Variants in GABRG3 observed in about 807,000 individuals in gnomAD.
The protein encoded by GABRG3 is gamma-aminobutyric acid receptor subunit gamma-3.
Under a neutral mutation model 48.8 loss-of-function variants are expected in GABRG3, and 25 were observed. That is an observed-to-expected ratio of 0.51 (90% CI 0.37 to 0.72). GABRG3 has a LOEUF of 0.72. Among genes scored for constraint, GABRG3 ranks in the 30% least tolerant of loss-of-function variants. The pLI is 0.00. For synonymous variants in GABRG3, 227 were observed against 217.6 expected (o/e 1.04, Z -0.38); for missense variants, 394 against 577.9 (o/e 0.68, Z 3.26).
At chr15:27,268,173 T>G (rs961332544) in intron 3 of GABRG3, among the ~76,000 whole-genome samples, 1 of 152,164 alleles carries the variant, frequency 6.6e-6, no homozygotes, top group Non-Finnish European at 1.5e-5. Context: ...GACATGGAGT[T>G]TTTTTATGGG....
At chr15:27,075,488 G>A (rs1375235608) in intron 3 of GABRG3, among the ~76,000 whole-genome samples, 1 of 152,186 alleles carries the variant, frequency 6.6e-6, no homozygotes, top group Non-Finnish European at 1.5e-5. Flanking sequence ...CCTCAATCTA[G>A]TGCAAAAATG....
intron 3 of GABRG3, among the ~76,000 whole-genome samples, chr15:27,132,483 T>G (rs891801081): frequency 1.5e-4 from 22 of 146,412 alleles, no homozygotes; most frequent in Non-Finnish European, 2.4e-4. Context: ...TTTTTTTTTT[T>G]TTTTTTTTTT....
intron 3 of GABRG3, among the ~76,000 whole-genome samples, chr15:27,051,641 T>G (rs1896457317): frequency 6.6e-6 from 1 of 152,212 alleles, no homozygotes; most frequent in Admixed American, 6.5e-5. Flanking sequence ...CCCAACCTTT[T>G]TGGCACCAGG....
intron 3 of GABRG3, among the ~76,000 whole-genome samples, chr15:27,076,306 T>C (rs1425446675): frequency 1.3e-5 from 2 of 150,190 alleles, no homozygotes; most frequent in Middle Eastern, 3.2e-3. Flanking sequence ...CTGATGACAT[T>C]GAGCCAACTG....
chr15:27,295,797 T>C (rs1472583530), intron 3 of GABRG3, among the ~76,000 whole-genome samples: 1 of 152,010 alleles, frequency 6.6e-6, no homozygotes, highest in Non-Finnish European at 1.5e-5. Flanking sequence ...GGAATAGAAA[T>C]AGATGCACCC....
At chr15:27,210,543 G>A (rs1224805311) in intron 3 of GABRG3, among the ~76,000 whole-genome samples, 2 of 152,276 alleles carry the variant, frequency 1.3e-5, no homozygotes, top group Admixed American at 6.5e-5. Context: ...ATACACAATT[G>A]CACTTCCAGA....
intron 3 of GABRG3, among the ~76,000 whole-genome samples, chr15:27,269,679 G>A (rs571802032): frequency 7.9e-5 from 12 of 152,240 alleles, no homozygotes; most frequent in South Asian, 2.1e-4. Flanking sequence ...CAGGCCCTGC[G>A]TAGTCCTGAC....
Position 27,520,106 on chromosome 15 carries a change from C to T in GABRG3, c.847C>T (p.Pro283Ser), listed in dbSNP as rs2150862168. Residue 283 changes from proline to serine, a missense_variant, in exon 7 of 10, where the codon CCA becomes TCA. Pro to Ser is a moderately conservative substitution (Grantham distance 74). Around this residue, in one of 3 missense-constraint regions of GABRG3, gnomAD observed 50 missense variants for 112.5 expected, o/e 0.44. Transcript: ENST00000615808. ...VSFWIKKDATPARTALGITTV... is the reference protein window; with the variant it reads ...VSFWIKKDATSARTALGITTV... The stretch of plus-strand genomic sequence containing the variant: ...ATTTTGGATCAAAAAAGATGCTACG[C>T]CAGCAAGAACAGCATTAGGTGAGTT... 6.2e-7 allele frequency: 1 copy of T among 1,604,420 alleles called. No homozygotes were observed. Among genetic ancestry groups the T allele is most frequent in the South Asian group, 1.1e-5 (1 of 88,780 alleles).
At chr15:27,188,718 G>A (rs1444000229) in intron 3 of GABRG3, among the ~76,000 whole-genome samples, 3 of 152,244 alleles carry the variant, frequency 2.0e-5, no homozygotes, top group Non-Finnish European at 4.4e-5. Context: ...CTGTGCAGAA[G>A]CTCTTTAGTT....
At chr15:27,325,186 A>G (rs549061223) in intron 3 of GABRG3, among the ~76,000 whole-genome samples, 15 of 152,250 alleles carry the variant, frequency 9.9e-5, no homozygotes, top group South Asian at 6.2e-4. Context: ...AAACACACAC[A>G]TGCACACACT....
chr15:27,326,746 G>T (rs1893628325), intron 3 of GABRG3, 63 bp from the exon 4 acceptor site: 2 of 1,353,488 alleles, frequency 1.5e-6, no homozygotes, highest in Non-Finnish European at 2.1e-6. Context: ...TTGACAAAGA[G>T]AACAAATTAT....
chr15:27,359,860 T>A (rs1894964287), intron 5 of GABRG3, among the ~76,000 whole-genome samples: 1 of 152,256 alleles, frequency 6.6e-6, no homozygotes, highest in African/African-American at 2.4e-5. Flanking sequence ...TTTTTAAAAC[T>A]TTCAAGTTCT....
At chr15:27,520,190 A>G (rs1003302264) in intron 7 of GABRG3, 66 bp downstream of exon 7, 42 of 1,380,120 alleles carry the variant, frequency 3.0e-5, no homozygotes, top group Non-Finnish European at 4.1e-5. Flanking sequence ...CATAAAAAAT[A>G]CCTTCAATGT....
intron 2 of GABRG3, among the ~76,000 whole-genome samples, chr15:26,997,770 A>G (rs907865881): frequency 1.1e-4 from 16 of 152,176 alleles, no homozygotes; most frequent in Non-Finnish European, 5.9e-5. Flanking sequence ...CAATTTAGGA[A>G]TTTTACATTT....
intron 2 of GABRG3, among the ~76,000 whole-genome samples, chr15:26,987,886 C>T (rs1276209982): frequency 6.6e-6 from 1 of 152,166 alleles, no homozygotes; most frequent in East Asian, 1.9e-4. Flanking sequence ...TAAAAAACAG[C>T]TCCTAATTTC....
chr15:27,191,822 G>A (rs781546828), intron 3 of GABRG3, among the ~76,000 whole-genome samples: 17 of 152,076 alleles, frequency 1.1e-4, no homozygotes, highest in Admixed American at 2.6e-4. Context: ...TCCTAGTCTC[G>A]ATGGTCTTTA....
intron 3 of GABRG3, among the ~76,000 whole-genome samples, chr15:27,313,644 AC>A (rs2140509327): frequency 6.6e-6 from 1 of 152,080 alleles, no homozygotes; most frequent in African/African-American, 2.4e-5. Context: ...TATTTTCCAA[AC>A]ACAATGAAAT....
intron 3 of GABRG3, among the ~76,000 whole-genome samples, chr15:27,256,201 G>C (rs1237927342): frequency 6.6e-6 from 1 of 152,100 alleles, no homozygotes; most frequent in Non-Finnish European, 1.5e-5. Flanking sequence ...CCAGCACTTT[G>C]GGAGGCCGAG....
intron 3 of GABRG3, among the ~76,000 whole-genome samples, chr15:27,184,211 G>A (rs1261564806): frequency 2.0e-5 from 3 of 152,200 alleles, no homozygotes; most frequent in African/African-American, 7.2e-5. Flanking sequence ...GGAAACTAAT[G>A]ATAGATCAAG....
Sources: allele counts gnomAD v4.1 joint callset (sites outside exome capture counted in the v4.1 genomes callset), GRCh38; gene constraint gnomAD v4.1.1; regional missense constraint gnomAD v4.1.1; transcripts MANE v1.5; gene names NCBI Gene and HGNC (gene_info 2026-07-23, HGNC 2026-07-21).